HMCN1: variants seen among roughly 807,000 people sequenced by gnomAD.
The protein encoded by HMCN1 is hemicentin-1.
Under a neutral mutation model 625.9 loss-of-function variants are expected in HMCN1, and 321 were observed. That is an observed-to-expected ratio of 0.51 (90% CI 0.47 to 0.56). HMCN1 has a LOEUF of 0.56. HMCN1 is among the 20% of genes least tolerant of loss of function. The pLI is 0.00. For missense variants in HMCN1, 6,588 were observed against 6,887.3 expected (o/e 0.96, Z 1.54); for synonymous variants, 2,425 against 2,417.6 (o/e 1.00, Z -0.09).
Position 186,000,096 on chromosome 1 carries a change from G to A in HMCN1, c.3926G>A (p.Gly1309Asp). 9 of 1,613,052 alleles carry A rather than the reference G, an allele frequency of 5.6e-6. 1 individual carries two copies. The highest frequency in any genetic ancestry group is 4.2e-6 in the Non-Finnish European group (5 of 1,179,358). Reference sequence around the variant, plus strand: ...TTACACAATGGTAGAGAGTTGACAGGCAGAGAGCCTGGCATTTCTATCTTG... The same window carrying A: ...TTACACAATGGTAGAGAGTTGACAGACAGAGAGCCTGGCATTTCTATCTTG... ...KWLHNGRELTGREPGISILED... is the reference protein window; with the variant it reads ...KWLHNGRELTDREPGISILED... The change falls in exon 26 of 107, where the codon GGC (glycine) becomes GAC (aspartate). Residue 1309 changes from glycine to aspartate, a missense_variant. Transcript: ENST00000271588.
intron 85 of HMCN1, 79 bp from the exon 86 acceptor site, chr1:186,132,249 A>T: frequency 1.0e-6 from 1 of 964,290 alleles, no homozygotes; most frequent in Non-Finnish European, 1.7e-6. Flanking sequence ...ATTTCAAATA[A>T]ACTAGCATCA....
rs567107511 is a variant in HMCN1, at chr1:186,147,636, C to A, written c.14608+1713C>A. On this transcript the variant is annotated intron_variant, in intron 93 of 106. Coordinates refer to ENST00000271588, the MANE Select transcript of HMCN1 (RefSeq NM_031935.3). Reference sequence around the variant, plus strand: ...TTGCAGATTCAGTTCTAGACCACCACAAGGAAGTGAATATTGCAACAGAGC... The same window carrying A: ...TTGCAGATTCAGTTCTAGACCACCAAAAGGAAGTGAATATTGCAACAGAGC... Among the ~76,000 whole-genome samples, 6 of 152,224 alleles carry A rather than the reference C, an allele frequency of 3.9e-5. No individual in the cohort carries two copies. In the South Asian group the frequency reaches 1.2e-3, roughly 32 times the overall value.
chr1:185,863,029 CCTGATTAGAT>C (rs1662968435), intron 2 of HMCN1, among the ~76,000 whole-genome samples: 1 of 152,110 alleles, frequency 6.6e-6, no homozygotes, highest in Non-Finnish European at 1.5e-5. Flanking sequence ...TTCTTATGAC[CCTGATTAGAT>C]CTATGGTGTT....
At chr1:185,835,333 T>C (rs576181564) in intron 1 of HMCN1, among the ~76,000 whole-genome samples, 1 of 152,220 alleles carries the variant, frequency 6.6e-6, no homozygotes, top group South Asian at 2.1e-4. Flanking sequence ...TTCTCTTCTG[T>C]AGTTTTTGGA....
intron 25 of HMCN1, among the ~76,000 whole-genome samples, chr1:185,997,986 G>A (rs1652925797): frequency 6.6e-6 from 1 of 152,058 alleles, no homozygotes; most frequent in Non-Finnish European, 1.5e-5. Flanking sequence ...TCTAGGGCCA[G>A]CTTGTAAATT....
At chr1:186,073,954 A>G (rs1011476411) in intron 52 of HMCN1, among the ~76,000 whole-genome samples, 8 of 152,062 alleles carry the variant, frequency 5.3e-5, no homozygotes, top group African/African-American at 1.9e-4. Context: ...AGGGACAAGA[A>G]AATTAAAAGA....
chr1:186,181,169 T>C (rs1164399808), intron 104 of HMCN1, among the ~76,000 whole-genome samples: 1 of 152,120 alleles, frequency 6.6e-6, no homozygotes, highest in East Asian at 1.9e-4. Flanking sequence ...TAAAGCTGAT[T>C]TTAAAGGAAA....
intron 1 of HMCN1, among the ~76,000 whole-genome samples, chr1:185,830,019 G>A (rs1660758439): frequency 6.6e-6 from 1 of 152,010 alleles, no homozygotes; most frequent in Non-Finnish European, 1.5e-5. Context: ...TTTTTTTCAT[G>A]TATTTTTTGG....
chr1:186,185,917 A>G (rs1404715369), intron 105 of HMCN1, among the ~76,000 whole-genome samples: 1 of 152,226 alleles, frequency 6.6e-6, no homozygotes, highest in Non-Finnish European at 1.5e-5. Context: ...TGCTATATGC[A>G]GCCAATTGAC....
chr1:185,860,308 TATTGCAA>T (rs1214994537), intron 2 of HMCN1, among the ~76,000 whole-genome samples: 2 of 152,136 alleles, frequency 1.3e-5, no homozygotes, highest in African/African-American at 4.8e-5. Context: ...TTGCAGATTA[TATTGCAA>T]ATGTGAAATT....
chr1:186,123,169 G>T lies in HMCN1; in HGVS notation c.12448G>T (p.Ala4150Ser), dbSNP rs530150311. 6.2e-7 allele frequency: 1 copy of T among 1,613,786 alleles called. No homozygotes were observed. The highest frequency in any genetic ancestry group is 8.5e-7 in the Non-Finnish European group (1 of 1,179,936). Reference protein sequence around the residue: ...PGDAGHYTCMAANVAGSSSTS... With the variant: ...PGDAGHYTCMSANVAGSSSTS... ...TGATGCTGGCCATTACACGTGCATG[G>T]CAGCCAATGTAGCAGGATCAAGCAG... is the stretch of plus-strand genomic sequence containing the variant. Residue 4150 changes from alanine to serine, a missense_variant, in exon 81 of 107, where the codon GCA (alanine) becomes TCA (serine). Ala to Ser is a moderately conservative substitution (Grantham distance 99, BLOSUM62 1). Coordinates refer to ENST00000271588, the MANE Select transcript of HMCN1 (RefSeq NM_031935.3).
chr1:185,767,387 A>T (rs1655942927), intron 1 of HMCN1, among the ~76,000 whole-genome samples: 1 of 152,196 alleles, frequency 6.6e-6, no homozygotes, highest in African/African-American at 2.4e-5. Context: ...GTTAAATGGT[A>T]TCAGCTTTCC....
intron 36 of HMCN1, among the ~76,000 whole-genome samples, chr1:186,029,741 A>AT (rs1312118674): frequency 9.3e-5 from 14 of 150,446 alleles, no homozygotes; most frequent in Admixed American, 4.6e-4. Context: ...ATATACTCTA[A>AT]TTTTTTTTGT....
chr1:185,917,186 T>C (rs1666755247), intron 6 of HMCN1, among the ~76,000 whole-genome samples: 2 of 152,140 alleles, frequency 1.3e-5, no homozygotes, highest in African/African-American at 2.4e-5. Flanking sequence ...TTAGGGTTTT[T>C]TTTGTTAGAG....
At chr1:186,021,366 G>A (rs1162041698) in intron 35 of HMCN1, among the ~76,000 whole-genome samples, 3 of 152,050 alleles carry the variant, frequency 2.0e-5, no homozygotes, top group South Asian at 4.1e-4. Context: ...GTGACTATGA[G>A]ATCAACTAGT....
chr1:186,070,670 G>A lies in HMCN1; in HGVS notation c.8052G>A (p.Val2684=). The change falls in exon 52 of 107, where the codon GTG becomes GTA. Residue 2684 remains valine (V), a synonymous_variant. Transcript: ENST00000271588. The part of the protein sequence containing the change: ...LWGPGLSPKE[V]KIKVNNTLTL... Reference sequence around the variant, plus strand: ...GGCCAGGTCTTTCCCCTAAAGAAGTGAAGATCAAAGTAAACAACACTCTGA... The same window carrying A: ...GGCCAGGTCTTTCCCCTAAAGAAGTAAAGATCAAAGTAAACAACACTCTGA... The A allele has an allele frequency of 1.2e-6, 2 of 1,613,340 alleles. No homozygotes were observed. The highest frequency in any genetic ancestry group is 1.7e-6 in the Non-Finnish European group (2 of 1,179,354).
At chr1:186,024,615 A>T (rs544240078) in intron 36 of HMCN1, among the ~76,000 whole-genome samples, 3 of 152,314 alleles carry the variant, frequency 2.0e-5, no homozygotes, top group Admixed American at 1.3e-4. Flanking sequence ...GATGTATGTT[A>T]CCTTGAGTAA....
chr1:185,811,328 G>A (rs1659499547), intron 1 of HMCN1, among the ~76,000 whole-genome samples: 1 of 152,060 alleles, frequency 6.6e-6, no homozygotes, highest in Non-Finnish European at 1.5e-5. Flanking sequence ...ATAGGGCCAT[G>A]ATATGTACTG....
intron 69 of HMCN1, among the ~76,000 whole-genome samples, chr1:186,106,597 A>G (rs148120200): frequency 9.8e-4 from 150 of 152,348 alleles, no homozygotes; most frequent in African/African-American, 3.4e-3. Flanking sequence ...AGCCTATCAC[A>G]TATGGTTCTA....
Sources: gnomAD v4.1 joint callset for allele counts (sites outside exome capture counted in the v4.1 genomes callset) on GRCh38, gnomAD v4.1.1 for gene constraint, MANE v1.5 for transcripts, NCBI Gene and HGNC (gene_info 2026-07-23, HGNC 2026-07-21) for gene names.